The following CSMD1 variants were observed in gnomAD, a reference collection of about 807,000 sequenced individuals.
CSMD1 encodes CUB and sushi domain-containing protein 1.
In CSMD1, 213 loss-of-function variants were observed where a neutral mutation model predicts 417.5. That is an observed-to-expected ratio of 0.51 (90% CI 0.46 to 0.57). The LOEUF is 0.57. CSMD1 is among the 20% of genes least tolerant of loss of function. The pLI is 0.00. For synonymous variants in CSMD1, 2,862 were observed against 1,736.8 expected, an observed-to-expected ratio of 1.65 and a Z score of -16.11; for missense variants, 6,923 against 4,529.7, an observed-to-expected ratio of 1.53 and a Z score of -15.17.
chr8:3,114,956 A>T (rs929679545), intron 42 of CSMD1, among the ~76,000 whole-genome samples: 1 of 151,998 alleles, frequency 6.6e-6, no homozygotes, highest in African/African-American at 2.4e-5. Context: ...GCAATTCCCC[A>T]CTCTACACAT....
At chr8:3,473,426 C>A (rs1481965161) in intron 11 of CSMD1, among the ~76,000 whole-genome samples, 1 of 152,104 alleles carries the variant, frequency 6.6e-6, no homozygotes, top group East Asian at 1.9e-4. Flanking sequence ...AGTAAAAGCA[C>A]TTTTTATTTT....
intron 4 of CSMD1, among the ~76,000 whole-genome samples, chr8:4,030,156 C>T (rs183834182): frequency 7.9e-5 from 12 of 152,232 alleles, no homozygotes; most frequent in African/African-American, 2.9e-4. Context: ...AGTGGATCTA[C>T]CATTCTGGAG....
At chr8:4,684,532 A>C (rs960133345) in intron 1 of CSMD1, among the ~76,000 whole-genome samples, 3 of 152,210 alleles carry the variant, frequency 2.0e-5, no homozygotes, top group Non-Finnish European at 4.4e-5. Context: ...TTTTCAAAAA[A>C]ACATAGAGAT....
chr8:4,985,069 G>T (rs911761142), intron 1 of CSMD1, among the ~76,000 whole-genome samples: 2 of 152,140 alleles, frequency 1.3e-5, no homozygotes, highest in African/African-American at 4.8e-5. Flanking sequence ...CAGGGACGTG[G>T]GTGGAGCTGG....
intron 4 of CSMD1, among the ~76,000 whole-genome samples, chr8:4,024,899 G>A (rs980030552): frequency 6.6e-6 from 1 of 151,866 alleles, no homozygotes; most frequent in Non-Finnish European, 1.5e-5. Flanking sequence ...TTCCATCATA[G>A]AATAAATGAA....
rs568559014 is a variant in CSMD1 at position 4,178,279 on chromosome 8, C to T, written c.416-146180G>A. 1.1e-3 allele frequency among the ~76,000 whole-genome samples: 160 copies of T among 151,830 alleles called. 1 individual carries two copies. The highest frequency in any genetic ancestry group is 2.5e-3 in the South Asian group (12 of 4,792). On this transcript the variant is annotated intron_variant, in intron 3 of 69. Coordinates refer to ENST00000635120, the MANE Select transcript of CSMD1 (RefSeq NM_033225.6). Reference sequence around the variant, plus strand: ...TGGGATGCAAGGCTGGTTCAATATACGCAAATCAATAAATGTAATCCAGCA... The same window carrying T: ...TGGGATGCAAGGCTGGTTCAATATATGCAAATCAATAAATGTAATCCAGCA...
chr8:3,427,322 C>T (rs937961894), intron 12 of CSMD1, among the ~76,000 whole-genome samples: 2 of 152,120 alleles, frequency 1.3e-5, no homozygotes, highest in African/African-American at 4.8e-5. Context: ...AAACTGAAGT[C>T]CTGGAAATGA....
intron 4 of CSMD1, among the ~76,000 whole-genome samples, chr8:4,020,087 C>G (rs557673408): frequency 2.6e-5 from 4 of 152,202 alleles, no homozygotes; most frequent in African/African-American, 9.6e-5. Context: ...ATTATAGCAG[C>G]TGATATTTTT....
chr8:4,147,843 C>A (rs1432604733), intron 3 of CSMD1, among the ~76,000 whole-genome samples: 1 of 152,076 alleles, frequency 6.6e-6, no homozygotes, highest in Non-Finnish European at 1.5e-5. Flanking sequence ...AAAGACTTCT[C>A]TGGTCTGGAA....
Position 4,730,677 on chromosome 8 carries a change from C to T in CSMD1, c.86-93119G>A, listed in dbSNP as rs1585011593. 4.0e-5 allele frequency among the ~76,000 whole-genome samples: 6 copies of T among 151,796 alleles called. No individual in the cohort carries two copies. The South Asian group carries it at 1.2e-3, about 31-fold the overall frequency. ...AATGGTGTGAACCCGGGAAGCGGAG[C>T]TTGCAGTGAGGAGAGATCGTGCCAC... On this transcript the variant is annotated intron_variant, in intron 1 of 69. Coordinates refer to ENST00000635120, the MANE Select transcript of CSMD1 (RefSeq NM_033225.6).
At chr8:4,445,340 G>C (rs1013282879) in intron 2 of CSMD1, among the ~76,000 whole-genome samples, 6 of 152,162 alleles carry the variant, frequency 3.9e-5, no homozygotes, top group Admixed American at 1.3e-4. Flanking sequence ...TACTTCAGAA[G>C]TGTATGAAGT....
chr8:4,452,652 C>G (rs1020251873), intron 2 of CSMD1, among the ~76,000 whole-genome samples: 1 of 151,934 alleles, frequency 6.6e-6, no homozygotes, highest in Non-Finnish European at 1.5e-5. Flanking sequence ...TTGAGTGAAA[C>G]GTAACATTGC....
chr8:3,166,703 A>T (rs1165855985), intron 37 of CSMD1, among the ~76,000 whole-genome samples: 1 of 152,196 alleles, frequency 6.6e-6, no homozygotes. Flanking sequence ...ATAGACATTT[A>T]TAAGTATTTA....
At position 4,902,878 on chromosome 8, in the gene CSMD1, T is replaced by A. The variant is rs189894586; in HGVS notation, c.85+91454A>T. ...CATTTATGTTTTTTCTATACATACATATGTACTGCATGTATATTTTTACAC... is the reference window on the plus strand; with the variant it reads ...CATTTATGTTTTTTCTATACATACAAATGTACTGCATGTATATTTTTACAC... On this transcript the variant is annotated intron_variant, in intron 1 of 69. Coordinates refer to ENST00000635120, the MANE Select transcript of CSMD1 (RefSeq NM_033225.6). Among the ~76,000 whole-genome samples the A allele has an allele frequency of 2.1e-3, 315 of 151,852 alleles. 2 individuals carry two copies. The highest frequency in any genetic ancestry group is 0.014 in the Middle Eastern group (4 of 290).
intron 6 of CSMD1, among the ~76,000 whole-genome samples, chr8:3,727,894 ATTAGATAC>A (rs1802586733): frequency 6.6e-6 from 1 of 152,180 alleles, no homozygotes; most frequent in Non-Finnish European, 1.5e-5. Context: ...TTCATCGATA[ATTAGATAC>A]TTAGAGTAGT....
At chr8:4,288,777 G>A (rs1015710483) in intron 3 of CSMD1, among the ~76,000 whole-genome samples, 1 of 152,146 alleles carries the variant, frequency 6.6e-6, no homozygotes, top group Non-Finnish European at 1.5e-5. Flanking sequence ...TCTGATACCT[G>A]TCAGGTCTAC....
chr8:4,474,298 C>T lies in CSMD1; in HGVS notation c.303-54233G>A, dbSNP rs117618128. On this transcript the variant is annotated intron_variant, in intron 2 of 69. Transcript: ENST00000635120. ...ATAGTTCAGCAAGGTGACAGATTAA[C>T]GTTCCAAATAGAAAAAAAACATACC... 2.7e-3 allele frequency among the ~76,000 whole-genome samples: 416 copies of T among 152,082 alleles called. 4 individuals are homozygous for T. Among genetic ancestry groups the T allele is most frequent in the South Asian group, 0.024 (114 of 4,820 alleles).
At chr8:4,689,129 C>T (rs1433292116) in intron 1 of CSMD1, among the ~76,000 whole-genome samples, 1 of 152,156 alleles carries the variant, frequency 6.6e-6, no homozygotes, top group African/African-American at 2.4e-5. Context: ...ACTTAGTGAT[C>T]ATATAATGCC....
At chr8:3,158,045 AT>A (rs1435490880) in intron 38 of CSMD1, 79 bp from the exon 39 acceptor site, 7 of 1,142,398 alleles carry the variant, frequency 6.1e-6, no homozygotes, top group South Asian at 2.9e-5. Context: ...GAATATCTGC[AT>A]TTTTTCCTTT....
Sources: gnomAD v4.1 joint callset for allele counts (sites outside exome capture counted in the v4.1 genomes callset) on GRCh38, gnomAD v4.1.1 for gene constraint, MANE v1.5 for transcripts, NCBI Gene and HGNC (gene_info 2026-07-23, HGNC 2026-07-21) for gene names.